Variants in CRIM1 observed in about 807,000 individuals in gnomAD.
CRIM1 encodes the protein cysteine-rich motor neuron 1 protein.
Under a neutral mutation model 116.4 loss-of-function variants are expected in CRIM1, and 32 were observed. The ratio of observed to expected loss-of-function variants is 0.27; its 90% CI spans 0.21 to 0.37. CRIM1 has a LOEUF of 0.37. Ranked by LOEUF, CRIM1 falls within the 10% of genes least tolerant of loss-of-function variation. The probability of loss-of-function intolerance (pLI) is 1.00; values close to 1 mark genes in which losing one functional copy is unlikely to be tolerated. For missense variants in CRIM1, 1,331 were observed against 1,354.8 expected, an observed-to-expected ratio of 0.98 and a Z score of 0.28; for synonymous variants, 590 against 509.2, an observed-to-expected ratio of 1.16 and a Z score of -2.13.
chr2:36,514,441 T>C (rs1572904909), intron 11 of CRIM1, among the ~76,000 whole-genome samples: 1 of 152,224 alleles, frequency 6.6e-6, no homozygotes, highest in African/African-American at 2.4e-5. Context: ...CACAGTCTTA[T>C]ATCTATTATT....
intron 8 of CRIM1, among the ~76,000 whole-genome samples, chr2:36,503,714 G>GT (rs1553325931): frequency 1.3e-5 from 2 of 151,740 alleles, no homozygotes; most frequent in South Asian, 2.1e-4. Flanking sequence ...ATAATAGGTT[G>GT]TTTTTTTTCT....
chr2:36,513,536 G>A lies in CRIM1; in HGVS notation c.1781-20G>A. On this transcript the variant is annotated intron_variant, in intron 10 of 16. Coordinates refer to ENST00000280527, the MANE Select transcript of CRIM1 (RefSeq NM_016441.3). ...TGTGCAGTAGCCACTTCTTTACCAGGCTGCCTTTTGTCTGTCCAGAGGCCT... is the reference window on the plus strand; with the variant it reads ...TGTGCAGTAGCCACTTCTTTACCAGACTGCCTTTTGTCTGTCCAGAGGCCT... The A allele has an allele frequency of 6.2e-7, 1 of 1,609,630 alleles. No homozygotes were observed. The highest frequency in any genetic ancestry group is 8.5e-7 in the Non-Finnish European group (1 of 1,176,158).
At position 36,442,751 on chromosome 2, in the gene CRIM1, GT is replaced by G; in HGVS notation, c.869+19del. The G allele has an allele frequency of 6.2e-7, 1 of 1,613,992 alleles. No individual in the cohort carries two copies. Among genetic ancestry groups the G allele is most frequent in the Non-Finnish European group, 8.5e-7 (1 of 1,179,916 alleles). ...TGCCAACAAGGTTAGTTTGCCATTA[GT>G]TTGTCAAGTTTTCTCCTCATTTGTT... On this transcript the variant is annotated intron_variant, in intron 4 of 16. Transcript: ENST00000280527.
intron 1 of CRIM1, among the ~76,000 whole-genome samples, chr2:36,362,539 C>T (rs1364904613): frequency 1.3e-5 from 2 of 152,136 alleles, no homozygotes; most frequent in Non-Finnish European, 2.9e-5. Context: ...TTTCACTAGG[C>T]GGATAAGCGT....
rs138763639 is a variant in CRIM1, at chr2:36,376,954, G to A, written c.332-19660G>A. 2.0e-4 allele frequency among the ~76,000 whole-genome samples: 30 copies of A among 152,246 alleles called. No individual in the cohort carries two copies. In the East Asian group the frequency reaches 5.8e-3, roughly 29 times the overall value. On this transcript the variant is annotated intron_variant, in intron 1 of 16. Transcript: ENST00000280527. ...TCTGTGTATCACTCTCTCTAATGTA[G>A]AGAGACAGAGCAGCAGTTCCTGAGC...
chr2:36,412,004 A>G (rs1673249558), intron 2 of CRIM1, among the ~76,000 whole-genome samples: 1 of 152,138 alleles, frequency 6.6e-6, no homozygotes, highest in Admixed American at 6.5e-5. Flanking sequence ...CCCGCACACT[A>G]GTGAAGCTGA....
At chr2:36,536,327 C>T (rs976123456) in intron 13 of CRIM1, among the ~76,000 whole-genome samples, 4 of 149,150 alleles carry the variant, frequency 2.7e-5, no homozygotes, top group South Asian at 2.1e-4. Flanking sequence ...GCCCTGGGGA[C>T]GACTGCCTTC....
intron 5 of CRIM1, among the ~76,000 whole-genome samples, chr2:36,475,423 G>A (rs1281649154): frequency 2.0e-5 from 3 of 152,128 alleles, no homozygotes; most frequent in Non-Finnish European, 4.4e-5. Flanking sequence ...TTGGGGAGTT[G>A]CAATTGTACT....
At chr2:36,431,749 G>A (rs1674910330) in intron 2 of CRIM1, among the ~76,000 whole-genome samples, 1 of 152,126 alleles carries the variant, frequency 6.6e-6, no homozygotes. Context: ...GCATAGGAAG[G>A]GCTCTCAGAA....
At chr2:36,422,320 T>C (rs1275294396) in intron 2 of CRIM1, among the ~76,000 whole-genome samples, 2 of 152,150 alleles carry the variant, frequency 1.3e-5, no homozygotes, top group East Asian at 3.8e-4. Context: ...TCTGTTAGTG[T>C]AGTACTATAT....
chr2:36,365,192 T>C (rs1669508722), intron 1 of CRIM1, among the ~76,000 whole-genome samples: 1 of 152,206 alleles, frequency 6.6e-6, no homozygotes, highest in Non-Finnish European at 1.5e-5. Flanking sequence ...CCTTTGGCAT[T>C]TCAGCAGAAT....
At chr2:36,364,478 C>G (rs550418612) in intron 1 of CRIM1, among the ~76,000 whole-genome samples, 1 of 152,264 alleles carries the variant, frequency 6.6e-6, no homozygotes, top group South Asian at 2.1e-4. Context: ...ACGGAAATGC[C>G]AAGCATGTCA....
intron 7 of CRIM1, among the ~76,000 whole-genome samples, chr2:36,497,172 A>G (rs1043848390): frequency 2.6e-5 from 4 of 152,196 alleles, no homozygotes; most frequent in African/African-American, 4.8e-5. Flanking sequence ...AGATTTTGGT[A>G]TGTGTAGATA....
intron 1 of CRIM1, among the ~76,000 whole-genome samples, chr2:36,382,173 A>G (rs922077981): frequency 6.6e-6 from 1 of 152,344 alleles, no homozygotes; most frequent in Non-Finnish European, 1.5e-5. Flanking sequence ...GAACCGCCTC[A>G]GTAAACCCCT....
chr2:36,486,623 G>T (rs1296880635), intron 7 of CRIM1, among the ~76,000 whole-genome samples: 1 of 152,076 alleles, frequency 6.6e-6, no homozygotes, highest in Non-Finnish European at 1.5e-5. Flanking sequence ...GCGTGCAAGG[G>T]GGTGGGTTGC....
In CRIM1 at chr2:36,537,398, C is replaced by A; in HGVS notation, c.2475C>A (p.Ala825=). The change falls in exon 14 of 17, where the codon GCC becomes GCA. Residue 825 remains alanine, a synonymous_variant. Coordinates refer to ENST00000280527, the MANE Select transcript of CRIM1 (RefSeq NM_016441.3). ...KKVVCHFSGK[A]YADEERWDLD... ...TGGTGTGCCACTTCAGTGGGAAGGCCTATGCCGACGAGGAGCGGTGGGACC... is the reference window on the plus strand; with the variant it reads ...TGGTGTGCCACTTCAGTGGGAAGGCATATGCCGACGAGGAGCGGTGGGACC... 1.9e-6 allele frequency: 3 copies of A among 1,614,228 alleles called. No homozygotes were observed. The highest frequency in any genetic ancestry group is 2.5e-6 in the Non-Finnish European group (3 of 1,180,044).
At position 36,541,462 on chromosome 2, in the gene CRIM1, G is replaced by C. The variant is rs187026152; in HGVS notation, c.2624-2914G>C. 4.1e-3 allele frequency among the ~76,000 whole-genome samples: 630 copies of C among 152,276 alleles called. 6 individuals carry two copies. The highest frequency in any genetic ancestry group is 0.01 in the Middle Eastern group (3 of 294). ...AAACTGAGGCTCAGGAAAGGTAAGA[G>C]GGTTATCCGAAGTCATGGAGCTGGT... On this transcript the variant is annotated intron_variant, in intron 14 of 16. Coordinates refer to ENST00000280527, the MANE Select transcript of CRIM1 (RefSeq NM_016441.3).
intron 4 of CRIM1, among the ~76,000 whole-genome samples, chr2:36,459,536 C>G (rs1003841870): frequency 1.4e-4 from 22 of 152,096 alleles, no homozygotes; most frequent in African/African-American, 5.3e-4. Flanking sequence ...GAGAAACAGT[C>G]TGATTTTGAT....
Position 36,548,278 on chromosome 2 carries a change from T to TTC in CRIM1, c.2935-246_2935-245insCT, listed in dbSNP as rs1027240071. 4.6e-5 allele frequency among the ~76,000 whole-genome samples: 7 copies of TTC among 151,986 alleles called. 1 individual carries two copies. Among genetic ancestry groups the TTC allele is most frequent in the African/African-American group, 1.7e-4 (7 of 41,376 alleles). ...ATCATTTCACCAGTCTTTTTTTTTT[T>TTC]TTTTTCAGTTCCTTCATCTCCCTAT... On this transcript the variant is annotated intron_variant, in intron 16 of 16. Transcript: ENST00000280527.
Sources: allele counts gnomAD v4.1 joint callset (sites outside exome capture counted in the v4.1 genomes callset), GRCh38; gene constraint gnomAD v4.1.1; transcripts MANE v1.5; gene names NCBI Gene and HGNC (gene_info 2026-07-23, HGNC 2026-07-21).